The following IL31RA variants were observed in gnomAD, a reference collection of about 807,000 sequenced individuals.
The protein encoded by IL31RA is interleukin-31 receptor subunit alpha.
In IL31RA, 66 loss-of-function variants were observed where a neutral mutation model predicts 83.7. That is an observed-to-expected ratio of 0.79 (90% CI 0.65 to 0.97). The LOEUF is 0.97. Ranked by LOEUF, IL31RA falls within the 50% of genes least tolerant of loss-of-function variation. The pLI is 0.00. For missense variants in IL31RA, 798 were observed against 919.4 expected, an observed-to-expected ratio of 0.87 and a Z score of 1.71; for synonymous variants, 325 against 329.0, an observed-to-expected ratio of 0.99 and a Z score of 0.13.
chr5:55,910,736 G>C (rs1376205637), intron 12 of IL31RA, 64 bp downstream of exon 12: 2 of 1,580,054 alleles, frequency 1.3e-6, no homozygotes, highest in Non-Finnish European at 1.7e-6. Context: ...AGAGAGAAAT[G>C]ACATCTGCCA....
At chr5:55,843,823 TTCTC>T in the IL31RA span, among the ~76,000 whole-genome samples, 1 of 152,198 alleles carries the variant, frequency 6.6e-6, no homozygotes, top group Non-Finnish European at 1.5e-5. Context: ...TGATATCTCT[TTCTC>T]TATCCATTTA....
intron 9 of IL31RA, among the ~76,000 whole-genome samples, chr5:55,906,956 A>G (rs1351454046): frequency 1.3e-5 from 2 of 152,152 alleles, no homozygotes; most frequent in African/African-American, 4.8e-5. Context: ...TATTAAGAAT[A>G]ATACACAGGC....
At chr5:55,915,798 A>T (rs781410482) in intron 14 of IL31RA, among the ~76,000 whole-genome samples, 1 of 152,186 alleles carries the variant, frequency 6.6e-6, no homozygotes, top group African/African-American at 2.4e-5. Context: ...GTGCTCTCTG[A>T]TAACTAACAT....
chr5:55,898,890 G>A (rs1479941040), intron 7 of IL31RA, among the ~76,000 whole-genome samples: 1 of 152,012 alleles, frequency 6.6e-6, no homozygotes, highest in African/African-American at 2.4e-5. Flanking sequence ...CGGGCATGGT[G>A]GTGCACACCT....
intron 2 of IL31RA, among the ~76,000 whole-genome samples, chr5:55,864,319 T>G: frequency 7.3e-6 from 1 of 136,784 alleles, no homozygotes; most frequent in African/African-American, 2.7e-5. Context: ...ACACCACACA[T>G]ATACATCACA....
intron 4 of IL31RA, among the ~76,000 whole-genome samples, chr5:55,877,953 C>T (rs1217252611): frequency 6.6e-6 from 1 of 152,180 alleles, no homozygotes; most frequent in Non-Finnish European, 1.5e-5. Context: ...CAGAAACTCC[C>T]AAAATGTGTT....
At chr5:55,879,786 C>T (rs1398716272) in intron 4 of IL31RA, among the ~76,000 whole-genome samples, 2 of 150,440 alleles carry the variant, frequency 1.3e-5, no homozygotes, top group Non-Finnish European at 1.5e-5. Context: ...CTTAGAGCTA[C>T]CTAGTCTGCC....
intron 6 of IL31RA, among the ~76,000 whole-genome samples, 154 bp from the exon 7 acceptor site, chr5:55,896,196 C>A (rs1689699303): frequency 6.6e-6 from 1 of 152,130 alleles, no homozygotes; most frequent in African/African-American, 2.4e-5. Flanking sequence ...ATGAAGACAT[C>A]TTTGGTCATT....
At chr5:55,907,789 T>C (rs899819298) in intron 10 of IL31RA, among the ~76,000 whole-genome samples, 4 of 152,176 alleles carry the variant, frequency 2.6e-5, no homozygotes, top group Non-Finnish European at 5.9e-5. Flanking sequence ...GAGCCTAGAG[T>C]TCATCCTAAG....
chr5:55,843,565 T>C, the IL31RA span, among the ~76,000 whole-genome samples: 1 of 152,218 alleles, frequency 6.6e-6, no homozygotes, highest in East Asian at 1.9e-4. Flanking sequence ...TACAGGGGTG[T>C]CAATATCTTC....
Position 55,911,039 on chromosome 5 carries a change from C to T in IL31RA, c.1642+367C>T, listed in dbSNP as rs1027879588. 5.6e-4 allele frequency among the ~76,000 whole-genome samples: 85 copies of T among 152,148 alleles called. 1 individual carries two copies. Among genetic ancestry groups the T allele is most frequent in the Admixed American group, 1.5e-3 (23 of 15,270 alleles). Reference sequence around the variant, plus strand: ...ACCAGTTTCTGCATGTTATAGGTTACGGTATGTATTAGTCTGTTTTCACGC... The same window carrying T: ...ACCAGTTTCTGCATGTTATAGGTTATGGTATGTATTAGTCTGTTTTCACGC... On this transcript the variant is annotated intron_variant, in intron 12 of 14. Transcript: ENST00000652347.
chr5:55,902,112 G>T (rs989507232), intron 8 of IL31RA, among the ~76,000 whole-genome samples: 5 of 152,138 alleles, frequency 3.3e-5, no homozygotes, highest in Non-Finnish European at 7.3e-5. Context: ...CAGCTTGCAG[G>T]TTAAATCTGG....
chr5:55,897,935 T>A (rs1258700941), intron 7 of IL31RA, among the ~76,000 whole-genome samples: 2 of 152,182 alleles, frequency 1.3e-5, no homozygotes, highest in African/African-American at 2.4e-5. Flanking sequence ...GTGTCCTGCT[T>A]TGCCAGATGA....
At chr5:55,862,687 G>A (rs1006169353) in intron 2 of IL31RA, among the ~76,000 whole-genome samples, 1 of 152,212 alleles carries the variant, frequency 6.6e-6, no homozygotes, top group African/African-American at 2.4e-5. Context: ...GATTACAGGT[G>A]TGAGCCACTA....
chr5:55,867,095 G>GTGCA (rs765020347), intron 2 of IL31RA, among the ~76,000 whole-genome samples: 259 of 69,744 alleles, frequency 3.7e-3, no homozygotes, highest in African/African-American at 0.01. Context: ...TTGTGTGTGT[G>GTGCA]TGTTTGTGTG....
chr5:55,896,465 T>C lies in IL31RA; in HGVS notation c.852+36T>C. The C allele has an allele frequency of 2.9e-6, 4 of 1,376,632 alleles. No homozygotes were observed. In the South Asian group the frequency reaches 4.6e-5, roughly 16 times the overall value. The allele number at this position is 1,376,632 out of a possible 1,614,324, so 85.3% of individuals were successfully genotyped here. ...TCTGGATTCTTTTTCTCTCTCTTTC[T>C]TCCCCTTCCCTCCTTTCCCTCCCTT... On this transcript the variant is annotated intron_variant, in intron 7 of 14. Transcript: ENST00000652347.
At chr5:55,912,010 T>C (rs1336094706) in intron 12 of IL31RA, among the ~76,000 whole-genome samples, 1 of 152,236 alleles carries the variant, frequency 6.6e-6, no homozygotes, top group Non-Finnish European at 1.5e-5. Context: ...TTTGATATGC[T>C]GTTTAAATTT....
rs1346043017 is a variant in IL31RA, at chr5:55,913,520, C to T, written c.1686C>T (p.Gly562=). 2 of 1,613,608 alleles carry T rather than the reference C, an allele frequency of 1.2e-6. No individual in the cohort carries two copies. Among genetic ancestry groups the T allele is most frequent in the Non-Finnish European group, 1.7e-6 (2 of 1,179,556 alleles). Residue 562 remains glycine (G), a synonymous_variant, in exon 13 of 15, where the codon GGC becomes GGT. Coordinates refer to ENST00000652347, the MANE Select transcript of IL31RA (RefSeq NM_139017.7). Reference sequence around the variant, plus strand: ...TCATAACTTCTCTGATTGGTGGAGGCCTTCTTATTCTCATTATCCTGACAG... The same window carrying T: ...TCATAACTTCTCTGATTGGTGGAGGTCTTCTTATTCTCATTATCCTGACAG... ...IILITSLIGG[G]LLILIILTVA...
chr5:55,847,064 G>A (rs1744942143), upstream of IL31RA, among the ~76,000 whole-genome samples: 1 of 150,098 alleles, frequency 6.7e-6, no homozygotes, highest in African/African-American at 2.5e-5. Flanking sequence ...CCAACATAGT[G>A]AAATCCCATC....
Sources: gnomAD v4.1 joint callset for allele counts (sites outside exome capture counted in the v4.1 genomes callset) on GRCh38, gnomAD v4.1.1 for gene constraint, MANE v1.5 for transcripts, NCBI Gene and HGNC (gene_info 2026-07-23, HGNC 2026-07-21) for gene names.